The following SNX20 variants were observed in gnomAD, a reference collection of about 807,000 sequenced individuals.
SNX20 encodes sorting nexin-20.
In SNX20, 21 loss-of-function variants were observed where a neutral mutation model predicts 24.5. That is an observed-to-expected ratio of 0.86 (90% CI 0.61 to 1.23). The LOEUF is 1.23. Ranked by LOEUF, SNX20 falls within the 50% of genes most tolerant of loss-of-function variation. The pLI is 0.00. For synonymous variants in SNX20, 206 were observed against 192.8 expected (o/e 1.07, Z -0.57); for missense variants, 433 against 430.8 (o/e 1.00, Z -0.04).
In SNX20 at chr16:50,674,307, T is replaced by A. The variant is rs541327300; in HGVS notation, c.283-233A>T. On this transcript the variant is annotated intron_variant, in intron 3 of 3. Coordinates refer to ENST00000330943, the MANE Select transcript of SNX20 (RefSeq NM_182854.4). ...CACTGTTACCCAGGCTGGAGTACAG[T>A]GATGCGATCATACCTCACTGCAACC... Among the ~76,000 whole-genome samples, 6 of 152,198 alleles carry A rather than the reference T, an allele frequency of 3.9e-5. No homozygotes were observed. The East Asian group carries it at 1.2e-3, about 29-fold the overall frequency.
At chr16:50,674,313 G>A (rs952042645) in intron 3 of SNX20, among the ~76,000 whole-genome samples, 23 of 151,876 alleles carry the variant, frequency 1.5e-4, no homozygotes, top group African/African-American at 5.3e-4. Context: ...ACAGTGATGC[G>A]ATCATACCTC....
Position 50,673,766 on chromosome 16 carries a change from C to T in SNX20, c.591G>A (p.Arg197=), listed in dbSNP as rs1214770231. The T allele has an allele frequency of 1.3e-6, 2 of 1,530,080 alleles. No homozygotes were observed. The highest frequency in any genetic ancestry group is 1.4e-5 in the African/African-American group (1 of 72,058). 94.8% of individuals were successfully genotyped at this position (1,530,080 alleles called of 1,614,324 possible). ...CCAGGGCGCGCGGGTACTGGCCGGCCCGCAGGCAGCCGAAAGCCTCGCGCA... is the reference window on the plus strand; with the variant it reads ...CCAGGGCGCGCGGGTACTGGCCGGCTCGCAGGCAGCCGAAAGCCTCGCGCA... ...PELREAFGCL[R]AGQYPRALEL... is the part of the protein sequence containing the mutation. The change falls in exon 4 of 4, where the codon CGG becomes CGA. Residue 197 remains arginine (R), a synonymous_variant. Coordinates refer to ENST00000330943, the MANE Select transcript of SNX20 (RefSeq NM_182854.4). This position sits in a 1 kb window ranked among gnomAD's most constrained non-coding sequence, Gnocchi z 4.1.
rs191807618 is a variant in SNX20 at position 50,679,202 on chromosome 16, C to T, written c.-9-1667G>A. The stretch of plus-strand genomic sequence containing the variant: ...GGATTCTGGGCTCTTGGTCTGAACC[C>T]CTGGGCTGACTACGGCCTAGAGAAA... On this transcript the variant is annotated intron_variant, in intron 1 of 3. Coordinates refer to ENST00000330943, the MANE Select transcript of SNX20 (RefSeq NM_182854.4). 3.3e-5 allele frequency among the ~76,000 whole-genome samples: 5 copies of T among 152,238 alleles called. No homozygotes were observed. The East Asian group carries it at 7.7e-4, about 24-fold the overall frequency.
chr16:50,666,634 C>CGA (rs1394758252), downstream of SNX20: 8 of 152,234 alleles, frequency 5.3e-5, no homozygotes, highest in African/African-American at 1.9e-4. Context: ...GATTACAAAA[C>CGA]AATATGCCAA....
chr16:50,668,947 C>A, downstream of SNX20: 1 of 1,521,152 alleles, frequency 6.6e-7, no homozygotes, highest in Non-Finnish European at 8.8e-7. Context: ...CCTGCCCAGG[C>A]CTCAGCACTG....
At position 50,674,014 on chromosome 16, in the gene SNX20, G is replaced by A. The variant is rs762125596; in HGVS notation, c.343C>T (p.Arg115Trp). 13 of 1,611,202 alleles carry A rather than the reference G, an allele frequency of 8.1e-6. No homozygotes were observed. In the East Asian group the frequency reaches 2.5e-4, roughly 31 times the overall value. ...SFDNNKAVLE[R>W]RYSDFAKLQK... Reference sequence around the variant, plus strand: ...AGCTTCGCGAAGTCGGAATAGCGCCGTTCCAGGACGGCCTTGTTGTTGTCA... The same window carrying A: ...AGCTTCGCGAAGTCGGAATAGCGCCATTCCAGGACGGCCTTGTTGTTGTCA... Residue 115 changes from arginine (R) to tryptophan (W), a missense_variant, in exon 4 of 4, where the codon CGG becomes TGG. Arg to Trp is a moderately radical substitution (Grantham distance 101). Coordinates refer to ENST00000330943, the MANE Select transcript of SNX20 (RefSeq NM_182854.4).
In SNX20 at chr16:50,673,834, G is replaced by A; in HGVS notation, c.523C>T (p.Arg175Cys). The change falls in exon 4 of 4, where the codon CGC becomes TGC. Residue 175 changes from arginine (R) to cysteine (C), a missense_variant. Coordinates refer to ENST00000330943, the MANE Select transcript of SNX20 (RefSeq NM_182854.4). This position sits in a 1 kb window ranked among gnomAD's most constrained non-coding sequence, Gnocchi z 4.1. The stretch of plus-strand genomic sequence containing the variant: ...AAGTCCAGGAACTCCCGGGAGCGGC[G>A]CACGCAGCGGATGGCGTAGAGCAGG... ...LGLLYAIRCV[R>C]RSREFLDFLT... 1 of 1,599,608 alleles carries A rather than the reference G, an allele frequency of 6.3e-7. No individual in the cohort carries two copies.
At chr16:50,671,108 A>C (rs1162738295), downstream of SNX20, 1 of 107,064 alleles carries the variant, frequency 9.3e-6, no homozygotes. Context: ...CATATCATCT[A>C]TCTGTGATTT....
downstream of SNX20, chr16:50,670,936 G>A (rs1014500224): frequency 1.3e-5 from 2 of 152,194 alleles, no homozygotes; most frequent in African/African-American, 4.8e-5. Flanking sequence ...CCCTTTTTGG[G>A]AAGCCTGAAT....
Position 50,673,702 on chromosome 16 carries a change from T to C in SNX20, c.655A>G (p.Thr219Ala). The change falls in exon 4 of 4, where the codon ACC becomes GCC. Residue 219 changes from threonine (T) to alanine (A), a missense_variant. Physicochemically the swap from Thr to Ala is moderately conservative, Grantham distance 58 (BLOSUM62 0). Coordinates refer to ENST00000330943, the MANE Select transcript of SNX20 (RefSeq NM_182854.4). This position sits in a 1 kb window ranked among gnomAD's most constrained non-coding sequence, Gnocchi z 4.1. ...LRVLPLQEKL[T>A]AHCPAAAVPA... Reference sequence around the variant, plus strand: ...ACGGCGGCCGCAGGGCAGTGGGCGGTGAGCTTCTCCTGCAGCGGCAGCACG... The same window carrying C: ...ACGGCGGCCGCAGGGCAGTGGGCGGCGAGCTTCTCCTGCAGCGGCAGCACG... 4.0e-6 allele frequency: 6 copies of C among 1,500,668 alleles called. No homozygotes were observed. The highest frequency in any genetic ancestry group is 5.3e-6 in the Non-Finnish European group (6 of 1,133,194). 93.0% of individuals were successfully genotyped at this position (1,500,668 alleles called of 1,614,324 possible).
chr16:50,673,996 C>T lies in SNX20; in HGVS notation c.361G>A (p.Ala121Thr), dbSNP rs775632741. 1 of 1,612,860 alleles carries T rather than the reference C, an allele frequency of 6.2e-7. No homozygotes were observed. ...AVLERRYSDF[A>T]KLQKALLKTF... ...TTCAGCAGCGCTTTCTGGAGCTTCGCGAAGTCGGAATAGCGCCGTTCCAGG... is the reference window on the plus strand; with the variant it reads ...TTCAGCAGCGCTTTCTGGAGCTTCGTGAAGTCGGAATAGCGCCGTTCCAGG... The change falls in exon 4 of 4, where the codon GCG (alanine) becomes ACG (threonine). Residue 121 changes from alanine (A) to threonine (T), a missense_variant. Ala to Thr is a moderately conservative substitution (Grantham distance 58). Coordinates refer to ENST00000330943, the MANE Select transcript of SNX20 (RefSeq NM_182854.4). This position sits in a 1 kb window ranked among gnomAD's most constrained non-coding sequence, Gnocchi z 4.1.
chr16:50,674,312 C>T (rs1463276442), intron 3 of SNX20, among the ~76,000 whole-genome samples: 9 of 151,880 alleles, frequency 5.9e-5, no homozygotes, highest in South Asian at 2.1e-4. Context: ...TACAGTGATG[C>T]GATCATACCT....
Position 50,673,870 on chromosome 16 carries a change from C to G in SNX20, c.487G>C (p.Glu163Gln), listed in dbSNP as rs747606360. 3.1e-6 allele frequency: 5 copies of G among 1,606,864 alleles called. No individual in the cohort carries two copies. The highest frequency in any genetic ancestry group is 1.1e-5 in the South Asian group (1 of 90,870). Residue 163 changes from glutamate (E) to glutamine (Q), a missense_variant, in exon 4 of 4, where the codon GAG becomes CAG. Physicochemically the swap from Glu to Gln is conservative, Grantham distance 29 (BLOSUM62 2). Coordinates refer to ENST00000330943, the MANE Select transcript of SNX20 (RefSeq NM_182854.4). This position sits in a 1 kb window ranked among gnomAD's most constrained non-coding sequence, Gnocchi z 4.1. ...ATGGCGTAGAGCAGGCCCAGGTACT[C>G]CTGCAGGGCGCGCCGACGCTCACAG... ...MICERRRALQEYLGLLYAIRC... is the reference protein window; with the variant it reads ...MICERRRALQQYLGLLYAIRC...
rs1393618227 is a variant in SNX20 at position 50,675,833 on chromosome 16, G to A, written c.219C>T (p.His73=). 6 of 1,613,552 alleles carry A rather than the reference G, an allele frequency of 3.7e-6. No homozygotes were observed. Among genetic ancestry groups the A allele is most frequent in the East Asian group, 2.2e-5 (1 of 44,850 alleles). The change falls in exon 3 of 4, where the codon CAC becomes CAT. Residue 73 remains histidine (H), a synonymous_variant. Transcript: ENST00000330943. The part of the protein sequence containing the change: ...YWQNQKCRWK[H]VKLLFEIASA... ...AAGCGATCTCAAAGAGCAGTTTGAC[G>A]TGCTTCCAGCGGCATTTCTGGTTCT...
intron 2 of SNX20, among the ~76,000 whole-genome samples, chr16:50,677,066 A>G (rs1418905962): frequency 1.3e-5 from 2 of 152,122 alleles, no homozygotes; most frequent in African/African-American, 4.8e-5. Flanking sequence ...CCTCACCCCT[A>G]GGATAGGACA....
rs554052528 is a variant in SNX20 at position 50,673,660 on chromosome 16, C to G, written c.697G>C (p.Val233Leu). Reference sequence around the variant, plus strand: ...TCGAGGTCGCGGTGGCACAGCAGCACGGCGCACAGGGCCGGGACGGCGGCC... The same window carrying G: ...TCGAGGTCGCGGTGGCACAGCAGCAGGGCGCACAGGGCCGGGACGGCGGCC... ...PAAAVPALCAVLLCHRDLDRP... is the reference protein window; with the variant it reads ...PAAAVPALCALLLCHRDLDRP... Residue 233 changes from valine to leucine, a missense_variant, in exon 4 of 4, where the codon GTG (valine) becomes CTG (leucine). Coordinates refer to ENST00000330943, the MANE Select transcript of SNX20 (RefSeq NM_182854.4). This position sits in a 1 kb window ranked among gnomAD's most constrained non-coding sequence, Gnocchi z 4.1. The G allele has an allele frequency of 6.6e-7, 1 of 1,509,300 alleles. No individual in the cohort carries two copies. The highest frequency in any genetic ancestry group is 1.2e-5 in the South Asian group (1 of 80,970). 93.5% of individuals were successfully genotyped at this position (1,509,300 alleles called of 1,614,324 possible).
downstream of SNX20, chr16:50,669,424 G>A: frequency 2.6e-6 from 1 of 391,702 alleles, no homozygotes. Context: ...CAGCTCTCAT[G>A]TAAACTAACA....
At chr16:50,674,258 TTTA>T (rs1237409793) in intron 3 of SNX20, among the ~76,000 whole-genome samples, 184 bp from the exon 4 acceptor site, 5 of 150,244 alleles carry the variant, frequency 3.3e-5, no homozygotes, top group African/African-American at 1.3e-4. Context: ...TATTTATTTA[TTTA>T]TTTTTAGAGA....
intron 2 of SNX20, among the ~76,000 whole-genome samples, chr16:50,676,928 C>T (rs74520191): frequency 0.016 from 2,420 of 152,320 alleles, 55 homozygotes; most frequent in African/African-American, 0.055. Context: ...CTGGACCGTG[C>T]CCTCTTGGCA....
Sources: allele counts gnomAD v4.1 joint callset (sites outside exome capture counted in the v4.1 genomes callset), GRCh38; gene constraint gnomAD v4.1.1; non-coding constraint Gnocchi (gnomAD v3.1); transcripts MANE v1.5; gene names NCBI Gene and HGNC (gene_info 2026-07-23, HGNC 2026-07-21).